Variants in STK33 observed in about 807,000 individuals in gnomAD.
STK33 encodes serine/threonine-protein kinase 33.
In STK33, 52 loss-of-function variants were observed where a neutral mutation model predicts 58.0. That is an observed-to-expected ratio of 0.90 (90% CI 0.72 to 1.13). The LOEUF (loss-of-function observed/expected upper bound fraction) is 1.13. Among genes scored for constraint, STK33 ranks in the 50% most tolerant of loss-of-function variants. The pLI, the probability that STK33 is intolerant of heterozygous loss-of-function variation, is 0.00. For missense variants in STK33, 630 were observed against 604.2 expected (o/e 1.04, Z -0.45); for synonymous variants, 215 against 200.1 (o/e 1.07, Z -0.63).
At chr11:8,546,687 A>G (rs1456067232) in intron 1 of STK33, among the ~76,000 whole-genome samples, 1 of 151,752 alleles carries the variant, frequency 6.6e-6, no homozygotes, top group Admixed American at 6.6e-5. Flanking sequence ...AAATCATGCA[A>G]TATTTGTCTT....
chr11:8,553,201 G>GTA (rs60137762), intron 1 of STK33, among the ~76,000 whole-genome samples: 2,039 of 61,008 alleles, frequency 0.033, 79 homozygotes, highest in African/African-American at 0.1. Context: ...TATATATGGT[G>GTA]TATATATATA....
chr11:8,540,990 C>A (rs199513702), intron 1 of STK33, among the ~76,000 whole-genome samples: 2,447 of 137,046 alleles, frequency 0.018, 24 homozygotes, highest in South Asian at 0.024. Flanking sequence ...CTCTCTCTCT[C>A]TCTCTATATA....
intron 1 of STK33, among the ~76,000 whole-genome samples, chr11:8,519,045 T>G (rs1953107440): frequency 1.3e-5 from 2 of 152,206 alleles, no homozygotes; most frequent in South Asian, 4.1e-4. Flanking sequence ...TACATTCTTC[T>G]CAGCACCACA....
chr11:8,558,573 G>T (rs1167909636), intron 1 of STK33, among the ~76,000 whole-genome samples: 3 of 152,124 alleles, frequency 2.0e-5, no homozygotes, highest in Admixed American at 2.0e-4. Flanking sequence ...AATCAAGGGT[G>T]CCAGAAAGAA....
the STK33 span, among the ~76,000 whole-genome samples, chr11:8,347,654 C>G: frequency 6.6e-6 from 1 of 152,242 alleles, no homozygotes; most frequent in African/African-American, 2.4e-5. Context: ...TCACAGCACA[C>G]TGGCCAGAAC....
chr11:8,395,213 G>A (rs768862969), intron 15 of STK33, among the ~76,000 whole-genome samples: 4 of 152,150 alleles, frequency 2.6e-5, no homozygotes, highest in African/African-American at 4.8e-5. Context: ...CCATAATTCC[G>A]TGTTGTGGGA....
chr11:8,344,570 C>T, the STK33 span, among the ~76,000 whole-genome samples: 1 of 152,222 alleles, frequency 6.6e-6, no homozygotes, highest in African/African-American at 2.4e-5. Context: ...GAAGGTCACA[C>T]AGCTAGCAAG....
chr11:8,384,833 C>T, the STK33 span, among the ~76,000 whole-genome samples: 1 of 152,172 alleles, frequency 6.6e-6, no homozygotes, highest in African/African-American at 2.4e-5. Flanking sequence ...CCATTTGGGG[C>T]CACTACCGGA....
In STK33 at chr11:8,461,703, G is replaced by C. The variant is rs529645461; in HGVS notation, c.558+102C>G. The C allele has an allele frequency of 4.4e-5, 36 of 820,770 alleles. No individual in the cohort carries two copies. In the African/African-American group the frequency reaches 5.5e-4, roughly 13 times the overall value. 50.8% of individuals were successfully genotyped at this position (820,770 alleles called of 1,614,324 possible). On this transcript the variant is annotated intron_variant, in intron 8 of 15. Transcript: ENST00000687296. ...TCTCCAGTGACAGACTCATGGCCAA[G>C]GACATGAGCAACTGTGCCCCAAAGG...
intron 15 of STK33, among the ~76,000 whole-genome samples, chr11:8,401,116 T>C (rs1937827111): frequency 6.6e-6 from 1 of 152,176 alleles, no homozygotes; most frequent in African/African-American, 2.4e-5. Context: ...TGGAAAAAAC[T>C]GCTTTAAAGT....
At chr11:8,490,698 C>A (rs535736359) in intron 1 of STK33, among the ~76,000 whole-genome samples, 5 of 152,112 alleles carry the variant, frequency 3.3e-5, no homozygotes, top group African/African-American at 4.8e-5. Flanking sequence ...CAGGCAGGTG[C>A]CCCTCTGGAA....
rs184898715 is a variant in STK33, at chr11:8,424,162, C to T, written c.1147-10470G>A. On this transcript the variant is annotated intron_variant, in intron 14 of 15. Coordinates refer to ENST00000687296, the MANE Select transcript of STK33 (RefSeq NM_001352389.2). ...CCTCCCCCAACCCCACAACAGGCCC[C>T]GGTGTGTGATGTTCCCCTTCCTGTG... is the stretch of plus-strand genomic sequence containing the variant. Among the ~76,000 whole-genome samples, 62 of 148,292 alleles carry T rather than the reference C, an allele frequency of 4.2e-4. No individual in the cohort carries two copies. In the East Asian group the frequency reaches 0.011, roughly 27 times the overall value.
intron 1 of STK33, among the ~76,000 whole-genome samples, chr11:8,568,224 T>C (rs1408316769): frequency 6.6e-6 from 1 of 152,170 alleles, no homozygotes; most frequent in East Asian, 1.9e-4. Flanking sequence ...TTTTAGTAAT[T>C]CACATTTTCT....
intron 9 of STK33, among the ~76,000 whole-genome samples, chr11:8,456,787 T>G (rs1392990128): frequency 6.6e-6 from 1 of 152,194 alleles, no homozygotes; most frequent in Admixed American, 6.5e-5. Flanking sequence ...ATAAATGACA[T>G]TACACATTTG....
intron 15 of STK33, among the ~76,000 whole-genome samples, chr11:8,406,522 C>A (rs1320757659): frequency 6.6e-6 from 1 of 152,156 alleles, no homozygotes; most frequent in Non-Finnish European, 1.5e-5. Flanking sequence ...ATCTCTCCAA[C>A]TATTTCAGTC....
At chr11:8,528,820 A>G (rs1954274084) in intron 1 of STK33, among the ~76,000 whole-genome samples, 1 of 152,218 alleles carries the variant, frequency 6.6e-6, no homozygotes, top group Non-Finnish European at 1.5e-5. Flanking sequence ...AAAAAGGCGC[A>G]TGGAAGACAA....
intron 1 of STK33, among the ~76,000 whole-genome samples, chr11:8,551,208 C>A (rs1048335430): frequency 6.6e-5 from 10 of 152,018 alleles, no homozygotes; most frequent in South Asian, 2.1e-4. Context: ...TGGCTCACTG[C>A]AACCTTTGCC....
chr11:8,488,659 TTA>T (rs1197125341), intron 1 of STK33, among the ~76,000 whole-genome samples: 2 of 151,000 alleles, frequency 1.3e-5, no homozygotes, highest in African/African-American at 4.9e-5. Flanking sequence ...ACAATATAGA[TTA>T]TAGTCTTCAG....
In STK33 at chr11:8,436,060, C is replaced by A; in HGVS notation, c.1027G>T (p.Glu343Ter). 6.3e-7 allele frequency: 1 copy of A among 1,589,930 alleles called. No individual in the cohort carries two copies. Among genetic ancestry groups the A allele is most frequent in the South Asian group, 1.2e-5 (1 of 84,992 alleles). The change falls in exon 13 of 16, where the codon GAA becomes TAA. Residue 343 changes from glutamate to a stop codon, truncating the protein, a stop_gained. Transcript: ENST00000687296. LOFTEE classifies it high-confidence loss of function. The stretch of plus-strand genomic sequence containing the variant: ...CTTATGGAATTCCAGACTGCATTTT[C>A]AAAATGTAGTTCTCCTTTTCTTATT... ...ELIRKGELHF[E>*]NAVWNSISDC...
Sources: gnomAD v4.1 joint callset for allele counts (sites outside exome capture counted in the v4.1 genomes callset) on GRCh38, gnomAD v4.1.1 for gene constraint, MANE v1.5 for transcripts, NCBI Gene and HGNC (gene_info 2026-07-23, HGNC 2026-07-21) for gene names.